ADAM22: variants seen among roughly 807,000 people sequenced by gnomAD.
ADAM22 encodes the protein ADAM metallopeptidase domain 22, also known as disintegrin and metalloproteinase domain-containing protein 22.
Under a neutral mutation model 144.6 loss-of-function variants are expected in ADAM22, and 65 were observed. The ratio of observed to expected loss-of-function variants is 0.45; its 90% CI spans 0.37 to 0.55. The LOEUF is 0.55. Ranked by LOEUF, ADAM22 falls within the 20% of genes least tolerant of loss-of-function variation. The pLI is 0.00. For missense variants in ADAM22, 974 were observed against 1,184.9 expected, an observed-to-expected ratio of 0.82 and a Z score of 2.61; for synonymous variants, 391 against 412.6, an observed-to-expected ratio of 0.95 and a Z score of 0.63.
At chr7:88,013,615 G>A (rs1364608522) in intron 3 of ADAM22, among the ~76,000 whole-genome samples, 1 of 152,102 alleles carries the variant, frequency 6.6e-6, no homozygotes, top group East Asian at 1.9e-4. Context: ...ATTTTATGTA[G>A]TCAGGGTCTT....
chr7:88,010,027 C>T (rs910448089), intron 3 of ADAM22, among the ~76,000 whole-genome samples: 2 of 123,944 alleles, frequency 1.6e-5, no homozygotes, highest in African/African-American at 2.6e-5. Flanking sequence ...TTGAATTTCT[C>T]TCTTTTTTTT....
intron 3 of ADAM22, among the ~76,000 whole-genome samples, chr7:88,032,814 G>A (rs775621082): frequency 6.6e-6 from 1 of 152,112 alleles, no homozygotes; most frequent in Non-Finnish European, 1.5e-5. Context: ...CACAAAATCT[G>A]GTTGTTTGTA....
At chr7:88,160,285 G>T (rs1234159174) in intron 22 of ADAM22, among the ~76,000 whole-genome samples, 10 of 152,092 alleles carry the variant, frequency 6.6e-5, no homozygotes, top group Non-Finnish European at 1.2e-4. Context: ...ACATTCCGTG[G>T]TTGTGAATCA....
intron 3 of ADAM22, among the ~76,000 whole-genome samples, chr7:88,074,974 G>T (rs1423585482): frequency 6.6e-6 from 1 of 152,042 alleles, no homozygotes; most frequent in Non-Finnish European, 1.5e-5. Flanking sequence ...TTATATTTTA[G>T]TGCTTTAAAA....
intron 22 of ADAM22, among the ~76,000 whole-genome samples, chr7:88,159,503 C>T (rs958589327): frequency 6.6e-6 from 1 of 152,050 alleles, no homozygotes; most frequent in African/African-American, 2.4e-5. Context: ...TTCAGAAATC[C>T]TCAACAAAAT....
At chr7:87,941,439 C>T (rs977317780) in intron 2 of ADAM22, among the ~76,000 whole-genome samples, 3 of 152,046 alleles carry the variant, frequency 2.0e-5, no homozygotes, top group Non-Finnish European at 2.9e-5. Flanking sequence ...GTACTGCTTC[C>T]GTGGCGGAAA....
chr7:88,178,431 A>G (rs990764320), intron 26 of ADAM22, among the ~76,000 whole-genome samples: 1 of 152,182 alleles, frequency 6.6e-6, no homozygotes, highest in African/African-American at 2.4e-5. Context: ...AAACTCTAAT[A>G]GTGATTTATT....
chr7:87,935,448 A>C (rs1841017404), intron 2 of ADAM22, among the ~76,000 whole-genome samples: 1 of 152,198 alleles, frequency 6.6e-6, no homozygotes, highest in African/African-American at 2.4e-5. Context: ...CTGAGAGAAC[A>C]GGCGGAGAGC....
chr7:88,193,754 A>C (rs1850107656), intron 31 of ADAM22, among the ~76,000 whole-genome samples: 1 of 152,238 alleles, frequency 6.6e-6, no homozygotes, highest in South Asian at 2.1e-4. Flanking sequence ...TTGCAAAAAA[A>C]TAAAATAAAG....
At chr7:88,090,510 T>A (rs1421910041) in intron 4 of ADAM22, among the ~76,000 whole-genome samples, 1 of 152,204 alleles carries the variant, frequency 6.6e-6, no homozygotes, top group Non-Finnish European at 1.5e-5. Context: ...TGACTAGTAA[T>A]GAAACTAAAA....
At chr7:87,954,536 T>G (rs1392559131) in intron 2 of ADAM22, among the ~76,000 whole-genome samples, 1 of 152,236 alleles carries the variant, frequency 6.6e-6, no homozygotes, top group Non-Finnish European at 1.5e-5. Context: ...GGGCTTCCCT[T>G]TGTGGGTAAC....
intron 25 of ADAM22, among the ~76,000 whole-genome samples, chr7:88,169,363 C>G (rs566438326): frequency 2.6e-5 from 4 of 152,194 alleles, no homozygotes; most frequent in South Asian, 2.1e-4. Flanking sequence ...CAGTAGTAAG[C>G]TTTTCCCTGA....
chr7:87,978,481 T>G, intron 3 of ADAM22, 69 bp downstream of exon 3: 3 of 1,393,854 alleles, frequency 2.2e-6, no homozygotes, highest in Non-Finnish European at 3.0e-6. Flanking sequence ...ACTTGTAAAG[T>G]TTTTTCTTAC....
At chr7:87,954,395 C>T (rs1036906057) in intron 2 of ADAM22, among the ~76,000 whole-genome samples, 2 of 152,028 alleles carry the variant, frequency 1.3e-5, no homozygotes, top group Admixed American at 1.3e-4. Flanking sequence ...TTCTCCTTCA[C>T]TTATGAAGCT....
chr7:88,142,890 T>C, intron 14 of ADAM22, 136 bp from the exon 15 acceptor site: 1 of 540,138 alleles, frequency 1.9e-6, no homozygotes, highest in Non-Finnish European at 3.3e-6. Flanking sequence ...ATAGATTGAA[T>C]ATAAATGTCA....
At chr7:88,018,638 C>A (rs552708162) in intron 3 of ADAM22, among the ~76,000 whole-genome samples, 1 of 152,268 alleles carries the variant, frequency 6.6e-6, no homozygotes, top group Non-Finnish European at 1.5e-5. Context: ...AAGAAAGAAA[C>A]CAATCTTTCC....
rs201948105 is a variant in ADAM22, at chr7:87,935,155, C to G, written c.215C>G (p.Thr72Arg). Residue 72 changes from threonine (T) to arginine (R), a missense_variant, in exon 2 of 32, where the codon ACG becomes AGG. Physicochemically the swap from Thr to Arg is moderately conservative, Grantham distance 71. This residue lies in a region of ADAM22 where 240 missense variants were observed against 234.3 expected (regional missense o/e 1.02). Coordinates refer to ENST00000413139, the MANE Select transcript of ADAM22 (RefSeq NM_001324418.2). ...EDESRHDALD[T>R]RVRGDLGGPQ... The stretch of plus-strand genomic sequence containing the variant: ...GAAAGTCGGCACGACGCGCTCGACA[C>G]GCGGGTGCGGGGCGACCTCGGTGGC... The G allele has an allele frequency of 3.7e-6, 6 of 1,611,770 alleles. No homozygotes were observed. The highest frequency in any genetic ancestry group is 5.1e-6 in the Non-Finnish European group (6 of 1,178,984).
intron 2 of ADAM22, among the ~76,000 whole-genome samples, chr7:87,971,271 C>G (rs1398433718): frequency 6.6e-6 from 1 of 152,014 alleles, no homozygotes; most frequent in African/African-American, 2.4e-5. Flanking sequence ...GAAATAACTT[C>G]TATTATAATA....
At chr7:88,039,464 A>AAAAAAAAAAAAAAAAAAATAT in intron 3 of ADAM22, among the ~76,000 whole-genome samples, 6 of 76,398 alleles carry the variant, frequency 7.9e-5, no homozygotes, top group African/African-American at 2.4e-4. Context: ...AAAAAAAAAA[A>AAAAAAAAAAAAAAAAAAATAT]ATATATATAT....
Sources: gnomAD v4.1 joint callset for allele counts (sites outside exome capture counted in the v4.1 genomes callset) on GRCh38, gnomAD v4.1.1 for gene constraint, gnomAD v4.1.1 regional missense constraint, MANE v1.5 for transcripts, NCBI Gene and HGNC (gene_info 2026-07-23, HGNC 2026-07-21) for gene names.